PDZRN3: variants seen among roughly 807,000 people sequenced by gnomAD.
PDZRN3 encodes E3 ubiquitin-protein ligase PDZRN3.
Under a neutral mutation model 85.7 loss-of-function variants are expected in PDZRN3, and 38 were observed. That is an observed-to-expected ratio of 0.44 (90% CI 0.34 to 0.58). PDZRN3 has a LOEUF of 0.58. PDZRN3 is among the 20% of genes least tolerant of loss of function. PDZRN3 has a pLI of 0.01. For missense variants in PDZRN3, 1,629 were observed against 1,506.4 expected (o/e 1.08, Z -1.35); for synonymous variants, 759 against 638.0 (o/e 1.19, Z -2.86).
intron 3 of PDZRN3, among the ~76,000 whole-genome samples, chr3:73,512,460 C>T (rs1351166016): frequency 6.6e-6 from 1 of 152,048 alleles, no homozygotes; most frequent in African/African-American, 2.4e-5. Flanking sequence ...TTTATGTGGA[C>T]AATATCCTGG....
intron 3 of PDZRN3, among the ~76,000 whole-genome samples, chr3:73,546,319 G>C (rs1367939469): frequency 2.0e-5 from 3 of 152,172 alleles, no homozygotes; most frequent in Non-Finnish European, 4.4e-5. Context: ...CCTGTTGGAG[G>C]CAACACAAAA....
chr3:73,525,433 C>T (rs1313455717), intron 3 of PDZRN3, among the ~76,000 whole-genome samples: 2 of 152,160 alleles, frequency 1.3e-5, no homozygotes, highest in Non-Finnish European at 2.9e-5. Context: ...TCTGTTTTCC[C>T]ACATTTGGGA....
At chr3:73,414,627 T>C (rs948325471) in intron 3 of PDZRN3, among the ~76,000 whole-genome samples, 5 of 152,228 alleles carry the variant, frequency 3.3e-5, no homozygotes, top group Non-Finnish European at 5.9e-5. Context: ...ATGGTTTTAG[T>C]GGTTCAAAAC....
At chr3:73,587,761 A>C (rs1319366229) in intron 3 of PDZRN3, among the ~76,000 whole-genome samples, 1 of 152,096 alleles carries the variant, frequency 6.6e-6, no homozygotes, top group Non-Finnish European at 1.5e-5. Context: ...GTCAGGGAGC[A>C]CTTCACTTTA....
chr3:73,546,604 G>A (rs761593466), intron 3 of PDZRN3, among the ~76,000 whole-genome samples: 3 of 152,174 alleles, frequency 2.0e-5, no homozygotes, highest in Non-Finnish European at 2.9e-5. Context: ...CAGATTTCAA[G>A]GTTCTGCAAT....
At chr3:73,618,207 G>C (rs1702794998) in intron 1 of PDZRN3, among the ~76,000 whole-genome samples, 1 of 152,204 alleles carries the variant, frequency 6.6e-6, no homozygotes, top group Non-Finnish European at 1.5e-5. Context: ...AAAATGGAAG[G>C]AAAGAGTCAT....
intron 1 of PDZRN3, among the ~76,000 whole-genome samples, chr3:73,609,317 A>AAAC (rs1702649281): frequency 1.3e-5 from 2 of 152,192 alleles, no homozygotes; most frequent in African/African-American, 4.8e-5. Context: ...CACTCTGTTT[A>AAAC]AGGCTGGTCA....
chr3:73,452,398 C>T (rs918603445), intron 3 of PDZRN3, among the ~76,000 whole-genome samples: 26 of 152,188 alleles, frequency 1.7e-4, no homozygotes, highest in Admixed American at 1.7e-3. Context: ...CAAGAAATCA[C>T]AAAATAGCTG....
At chr3:73,550,882 T>C (rs1386377440) in intron 3 of PDZRN3, among the ~76,000 whole-genome samples, 1 of 152,252 alleles carries the variant, frequency 6.6e-6, no homozygotes, top group Middle Eastern at 3.2e-3. Flanking sequence ...AGCAATACTC[T>C]GAAGTGTCTC....
chr3:73,410,223 G>A (rs1348265785), intron 3 of PDZRN3, among the ~76,000 whole-genome samples: 1 of 152,182 alleles, frequency 6.6e-6, no homozygotes, highest in East Asian at 1.9e-4. Context: ...ACTCCTGTCT[G>A]TCTTAATTTA....
At chr3:73,520,349 G>GA (rs1575705752) in intron 3 of PDZRN3, among the ~76,000 whole-genome samples, 2 of 151,954 alleles carry the variant, frequency 1.3e-5, no homozygotes, top group Non-Finnish European at 2.9e-5. Flanking sequence ...TATTAAAAAT[G>GA]AAAAAATAGC....
intron 3 of PDZRN3, among the ~76,000 whole-genome samples, chr3:73,412,036 T>C (rs192082368): frequency 2.2e-4 from 34 of 152,332 alleles, no homozygotes; most frequent in Admixed American, 1.7e-3. Flanking sequence ...TTTAAGATGC[T>C]GGTGGCTTTC....
At chr3:73,622,120 G>A (rs1702874262) in intron 1 of PDZRN3, among the ~76,000 whole-genome samples, 1 of 152,208 alleles carries the variant, frequency 6.6e-6, no homozygotes, top group African/African-American at 2.4e-5. Flanking sequence ...GCGCCTGATT[G>A]AAGACCAAGC....
chr3:73,601,706 G>A lies in PDZRN3; in HGVS notation c.918+648C>T, dbSNP rs150564731. Among the ~76,000 whole-genome samples, 15 of 152,282 alleles carry A rather than the reference G, an allele frequency of 9.9e-5. No individual in the cohort carries two copies. The East Asian group carries it at 2.9e-3, about 29-fold the overall frequency. On this transcript the variant is annotated intron_variant, in intron 3 of 9. Coordinates refer to ENST00000263666, the MANE Select transcript of PDZRN3 (RefSeq NM_015009.3). The stretch of plus-strand genomic sequence containing the variant: ...GAACACTGCAACCCTGTTACAAAGT[G>A]TTGTCTGGTGGGGCTGAGAGATCCA...
At chr3:73,463,935 C>T (rs1023807199) in intron 3 of PDZRN3, among the ~76,000 whole-genome samples, 5 of 151,986 alleles carry the variant, frequency 3.3e-5, no homozygotes, top group African/African-American at 1.2e-4. Context: ...GCACGTTACC[C>T]CTGAACTTAA....
intron 3 of PDZRN3, among the ~76,000 whole-genome samples, chr3:73,559,556 G>A (rs552848904): frequency 1.6e-4 from 24 of 152,246 alleles, no homozygotes; most frequent in Non-Finnish European, 3.1e-4. Flanking sequence ...CTTGCACATG[G>A]GTTTCAGGCC....
chr3:73,400,965 C>G lies in PDZRN3; in HGVS notation c.1211G>C (p.Gly404Ala). The G allele has an allele frequency of 6.2e-7, 1 of 1,613,834 alleles. No homozygotes were observed. The highest frequency in any genetic ancestry group is 8.5e-7 in the Non-Finnish European group (1 of 1,179,698). ...CCTGTCCATCTCCTGATGGATGTCT[C>G]CAATGTAGTCATTTGGATCGTAGTA... is the stretch of plus-strand genomic sequence containing the variant. ...HEYYDPNDYI[G>A]DIHQEMDREE... Residue 404 changes from glycine (G) to alanine (A), a missense_variant, in exon 5 of 10, where the codon GGA becomes GCA. Physicochemically the swap from Gly to Ala is moderately conservative, Grantham distance 60. Coordinates refer to ENST00000263666, the MANE Select transcript of PDZRN3 (RefSeq NM_015009.3).
chr3:73,464,391 A>C (rs1166778133), intron 3 of PDZRN3, among the ~76,000 whole-genome samples: 1 of 152,190 alleles, frequency 6.6e-6, no homozygotes, highest in African/African-American at 2.4e-5. Flanking sequence ...TTATTGGTAT[A>C]GAAAGTGCAC....
At chr3:73,509,661 T>C (rs1407110961) in intron 3 of PDZRN3, among the ~76,000 whole-genome samples, 3 of 152,212 alleles carry the variant, frequency 2.0e-5, no homozygotes, top group Non-Finnish European at 2.9e-5. Context: ...TAATTTTAAA[T>C]TGGAGATTCA....
Sources: gnomAD v4.1 joint callset for allele counts (sites outside exome capture counted in the v4.1 genomes callset) on GRCh38, gnomAD v4.1.1 for gene constraint, MANE v1.5 for transcripts, NCBI Gene and HGNC (gene_info 2026-07-23, HGNC 2026-07-21) for gene names.